The following DMD variants were observed in gnomAD, a reference collection of about 807,000 sequenced individuals.
The protein encoded by DMD is dystrophin.
A neutral mutation model predicts 330.1 loss-of-function variants in DMD; 63 were observed. That is an observed-to-expected ratio of 0.19 (90% CI 0.16 to 0.24). DMD has a LOEUF of 0.24. DMD is among the 10% of genes least tolerant of loss of function. DMD has a pLI of 1.00. For synonymous variants in DMD, 1,223 were observed against 959.8 expected, an observed-to-expected ratio of 1.27 and a Z score of -5.07; for missense variants, 3,344 against 2,684.1, an observed-to-expected ratio of 1.25 and a Z score of -5.43.
chrX:32,393,138 T>G (rs1041907297), intron 30 of DMD, among the ~76,000 whole-genome samples: 14 of 112,359 alleles, frequency 1.2e-4, no homozygotes, highest in African/African-American at 3.9e-4. Flanking sequence ...CCTTGGATTC[T>G]ATGACACATT....
In DMD at chrX:32,804,324, C is replaced by T. The variant is rs183455055; in HGVS notation, c.649+5169G>A. On this transcript the variant is annotated intron_variant, in intron 7 of 78. Transcript: ENST00000357033. The stretch of plus-strand genomic sequence containing the variant: ...CCGCCATTACTGAGGCTTGAGTAGG[C>T]GGTTTTCCCTCACAGTGTAAACAAA... Among the ~76,000 whole-genome samples, 455 of 112,063 alleles carry T rather than the reference C, an allele frequency of 4.1e-3. 2 individuals are homozygous for T. The highest frequency in any genetic ancestry group is 7.5e-3 in the Non-Finnish European group (396 of 53,150).
chrX:32,563,587 T>C (rs1476925301), intron 16 of DMD, among the ~76,000 whole-genome samples: 1 of 111,614 alleles, frequency 9.0e-6, no homozygotes, highest in Non-Finnish European at 1.9e-5. Flanking sequence ...TATAGAATTA[T>C]ACAAGTTGGA....
intron 44 of DMD, among the ~76,000 whole-genome samples, chrX:32,148,325 T>C (rs1354889367): frequency 8.9e-6 from 1 of 111,748 alleles, no homozygotes; most frequent in Non-Finnish European, 1.9e-5. Flanking sequence ...TCAGAAGATA[T>C]TATGTTAGTA....
intron 1 of DMD, among the ~76,000 whole-genome samples, chrX:33,114,322 C>T (rs1004596875): frequency 1.8e-5 from 2 of 109,707 alleles, no homozygotes; most frequent in Non-Finnish European, 3.8e-5. Flanking sequence ...GTTGGCCAGG[C>T]TGGTCTCGAA....
At chrX:31,809,174 TATATATGAGTTTATATATAA>T (rs2092386915) in intron 50 of DMD, among the ~76,000 whole-genome samples, 2 of 105,698 alleles carry the variant, frequency 1.9e-5, no homozygotes, top group Admixed American at 1.0e-4. Flanking sequence ...TGAGTTTATA[TATATATGAGTTTATATATAA>T]ATATATATGA....
intron 71 of DMD, among the ~76,000 whole-genome samples, chrX:31,176,776 T>G (rs1345845848): frequency 9.0e-6 from 1 of 111,275 alleles, no homozygotes; most frequent in Admixed American, 9.6e-5. Context: ...AATCAGATAA[T>G]ATACTACTTA....
intron 2 of DMD, among the ~76,000 whole-genome samples, chrX:32,918,038 T>G (rs931120251): frequency 9.2e-6 from 1 of 109,220 alleles, no homozygotes; most frequent in South Asian, 4.0e-4. Flanking sequence ...TTGGTAGAGA[T>G]AGGCAGTAGG....
At chrX:32,139,884 T>C (rs1391710583) in intron 44 of DMD, among the ~76,000 whole-genome samples, 1 of 112,460 alleles carries the variant, frequency 8.9e-6, no homozygotes, top group Non-Finnish European at 1.9e-5. Context: ...AGAGAGAAAA[T>C]TAAAATGTCT....
At chrX:33,225,087 G>C (rs2052261920) in intron 1 of DMD, among the ~76,000 whole-genome samples, 2 of 111,209 alleles carry the variant, frequency 1.8e-5, no homozygotes, top group South Asian at 7.6e-4. Context: ...TGTGCTCGTG[G>C]ATTGAGAGAT....
chrX:32,437,259 C>T (rs1009430986), intron 29 of DMD, among the ~76,000 whole-genome samples: 7 of 111,970 alleles, frequency 6.3e-5, no homozygotes, highest in African/African-American at 1.9e-4. Context: ...GGATATGCCA[C>T]CCAGGATTCA....
intron 1 of DMD, among the ~76,000 whole-genome samples, chrX:33,097,525 A>G (rs1404745337): frequency 9.1e-6 from 1 of 109,376 alleles, no homozygotes; most frequent in Non-Finnish European, 1.9e-5. Flanking sequence ...GTAATTAGTT[A>G]TTAATGATTT....
At chrX:32,668,052 G>T (rs1021143348) in intron 9 of DMD, among the ~76,000 whole-genome samples, 1 of 110,880 alleles carries the variant, frequency 9.0e-6, no homozygotes, top group African/African-American at 3.3e-5. Flanking sequence ...GTGAGGCTAA[G>T]GCAGAAGAAT....
intron 11 of DMD, among the ~76,000 whole-genome samples, chrX:32,629,044 CATA>C (rs2058559166): frequency 8.9e-6 from 1 of 111,771 alleles, no homozygotes; most frequent in African/African-American, 3.2e-5. Context: ...GTCTACACTG[CATA>C]ATAAGTCTGA....
intron 63 of DMD, among the ~76,000 whole-genome samples, chrX:31,251,961 CT>C (rs758180591): frequency 2.7e-5 from 3 of 112,327 alleles, no homozygotes; most frequent in African/African-American, 9.7e-5. Context: ...AGGAACAATT[CT>C]TTTTGAGTTT....
intron 53 of DMD, among the ~76,000 whole-genome samples, chrX:31,672,716 T>C (rs1210374434): frequency 8.9e-6 from 1 of 112,248 alleles, no homozygotes; most frequent in Non-Finnish European, 1.9e-5. Flanking sequence ...CAACTCCAGA[T>C]ATTCCACTGA....
chrX:31,201,933 C>G (rs762910625), intron 67 of DMD, among the ~76,000 whole-genome samples: 2 of 111,902 alleles, frequency 1.8e-5, no homozygotes, highest in Non-Finnish European at 3.8e-5. Flanking sequence ...TGATTAGGAC[C>G]TGTAATCCCA....
intron 2 of DMD, among the ~76,000 whole-genome samples, chrX:33,017,880 C>A (rs1466703210): frequency 8.9e-6 from 1 of 111,792 alleles, no homozygotes; most frequent in African/African-American, 3.2e-5. Flanking sequence ...TCCTACAGGG[C>A]TAGAATTCTG....
At chrX:31,598,092 ATG>A (rs1396346639) in intron 55 of DMD, among the ~76,000 whole-genome samples, 1 of 106,880 alleles carries the variant, frequency 9.4e-6, no homozygotes, top group Non-Finnish European at 1.9e-5. Flanking sequence ...ACGCAAATAT[ATG>A]TGTGTGTATC....
intron 11 of DMD, among the ~76,000 whole-genome samples, chrX:32,632,885 C>A (rs943152466): frequency 1.8e-5 from 2 of 112,417 alleles, no homozygotes; most frequent in Admixed American, 9.3e-5. Context: ...GCCTTCCAGG[C>A]CTTTTTCCCC....
Sources: gnomAD v4.1 joint callset for allele counts (sites outside exome capture counted in the v4.1 genomes callset) on GRCh38, gnomAD v4.1.1 for gene constraint, MANE v1.5 for transcripts, NCBI Gene and HGNC (gene_info 2026-07-23, HGNC 2026-07-21) for gene names.